The following MLLT6 variants were observed in gnomAD, a reference collection of about 807,000 sequenced individuals.
MLLT6 encodes the protein MLLT6, PHD finger containing, also known as protein AF-17.
A neutral mutation model predicts 103.0 loss-of-function variants in MLLT6; 22 were observed. The observed-to-expected ratio is 0.21, with a 90% CI of 0.15 to 0.31. MLLT6 has a LOEUF of 0.31. MLLT6 is among the 10% of genes least tolerant of loss of function. MLLT6 has a pLI of 1.00. For synonymous variants in MLLT6, 606 were observed against 623.5 expected (o/e 0.97, Z 0.42); for missense variants, 1,199 against 1,441.7 (o/e 0.83, Z 2.73).
rs1442496897 is a variant in MLLT6, at chr17:38,721,949, C to T, written c.2514C>T (p.Pro838=). Residue 838 remains proline, a synonymous_variant, in exon 17 of 20, where the codon CCC becomes CCT. Transcript: ENST00000621332. ...LSFHSTPPPL[P]LLQQSPATLP... ...TCCACAGCACGCCCCCACCGCTGCC[C>T]CTCCTCCAGCAGAGCCCTGCCACTC... is the stretch of plus-strand genomic sequence containing the variant. 2.0e-6 allele frequency: 3 copies of T among 1,528,106 alleles called. No individual in the cohort carries two copies. Among genetic ancestry groups the T allele is most frequent in the Non-Finnish European group, 2.6e-6 (3 of 1,143,498 alleles). The allele number at this position is 1,528,106 out of a possible 1,614,324, so 94.7% of individuals were successfully genotyped here.
At position 38,711,989 on chromosome 17, in the gene MLLT6, C is replaced by T. The variant is rs1905157732; in HGVS notation, c.695C>T (p.Thr232Ile). ...TCCACGCAGCAGGAGAAGCACCCCA[C>T]CCACCACGAGAGGGGCCAGAAGAAG... ...SPSTQQEKHPTHHERGQKKSR... is the reference protein window; with the variant it reads ...SPSTQQEKHPIHHERGQKKSR... The change falls in exon 7 of 20, where the codon ACC (threonine) becomes ATC (isoleucine). Residue 232 changes from threonine to isoleucine, a missense_variant. Physicochemically the swap from Thr to Ile is moderately conservative, Grantham distance 89. Transcript: ENST00000621332. The T allele has an allele frequency of 6.3e-7, 1 of 1,598,566 alleles. No homozygotes were observed. The highest frequency in any genetic ancestry group is 1.3e-5 in the African/African-American group (1 of 74,378).
chr17:38,716,957 C>A lies in MLLT6; in HGVS notation c.1627C>A (p.Leu543Met), dbSNP rs1455580691. ...TTCTGGGAGCTTGCCCAGCTTGAGC[C>A]TGGAGTCCCCCTTACTAGGGGCAGG... ...GPSGSLPSLS[L>M]ESPLLGAGIY... The change falls in exon 10 of 20, where the codon CTG becomes ATG. Residue 543 changes from leucine (L) to methionine (M), a missense_variant. Leu to Met is a conservative substitution (Grantham distance 15). Around this residue, in one of 7 missense-constraint regions of MLLT6, gnomAD observed 1,034 missense variants for 1,091.5 expected, o/e 0.95. Transcript: ENST00000621332. The surrounding 1 kb of genome is among the most constrained non-coding windows in gnomAD (Gnocchi z 5.6). The A allele has an allele frequency of 6.2e-7, 1 of 1,613,724 alleles. No homozygotes were observed. Among genetic ancestry groups the A allele is most frequent in the Admixed American group, 1.7e-5 (1 of 60,014 alleles).
rs201405110 is a variant in MLLT6 at position 38,707,446 on chromosome 17, C to T, written c.190-40C>T. ...GAACGTGTTCAGGGAGGGTCCAGCT[C>T]AGCAGATCCCCCAACCCCTGTGCAC... On this transcript the variant is annotated intron_variant, in intron 2 of 19. Transcript: ENST00000621332. The T allele has an allele frequency of 1.2e-5, 20 of 1,608,724 alleles. No individual in the cohort carries two copies. The East Asian group carries it at 4.2e-4, about 34-fold the overall frequency.
chr17:38,722,125 A>G lies in MLLT6; in HGVS notation c.2690A>G (p.Asn897Ser), dbSNP rs185161404. 1,024 of 1,376,582 alleles carry G rather than the reference A, an allele frequency of 7.4e-4. 16 individuals are homozygous for G. The African/African-American group carries it at 0.014, about 19-fold the overall frequency. The allele number at this position is 1,376,582 out of a possible 1,614,324, so 85.3% of individuals were successfully genotyped here. A position where few individuals can be genotyped will look rare whatever the true frequency, so the allele number is the denominator to read the frequency against. ...GCAGGCAGTGGGGGCCTGCCCCTCA[A>G]TGGGCTCCTTGGGGGGTTGAATGGG... ...GLAGSGGLPL[N>S]GLLGGLNGAA... The change falls in exon 17 of 20, where the codon AAT becomes AGT. Residue 897 changes from asparagine (N) to serine (S), a missense_variant. Asn to Ser is a conservative substitution (Grantham distance 46). Around this residue, in one of 7 missense-constraint regions of MLLT6, gnomAD observed 1,034 missense variants for 1,091.5 expected, o/e 0.95. Coordinates refer to ENST00000621332, the MANE Select transcript of MLLT6 (RefSeq NM_005937.4).
In MLLT6 at chr17:38,728,297, C is replaced by T. The variant is rs745688665; in HGVS notation, c.*2699C>T. 8.6e-6 allele frequency: 2 copies of T among 233,232 alleles called. No homozygotes were observed. The highest frequency in any genetic ancestry group is 2.2e-5 in the African/African-American group (1 of 45,336). 14.4% of individuals were successfully genotyped at this position (233,232 alleles called of 1,614,324 possible). A position where few individuals can be genotyped will look rare whatever the true frequency, so the allele number is the denominator to read the frequency against. ...TACCAACGCAGGGGGATGGCTGTAA[C>T]GATCTCACCGTCTCCTAACCTCAGT... is the stretch of plus-strand genomic sequence containing the variant. On this transcript the variant is annotated 3_prime_UTR_variant, in exon 20 of 20. Coordinates refer to ENST00000621332, the MANE Select transcript of MLLT6 (RefSeq NM_005937.4).
chr17:38,719,853 C>A lies in MLLT6; in HGVS notation c.2113C>A (p.Gln705Lys). 6.2e-7 allele frequency: 1 copy of A among 1,609,498 alleles called. No individual in the cohort carries two copies. The highest frequency in any genetic ancestry group is 8.5e-7 in the Non-Finnish European group (1 of 1,178,312). Residue 705 changes from glutamine to lysine, a missense_variant, in exon 14 of 20, where the codon CAG becomes AAG. Coordinates refer to ENST00000621332, the MANE Select transcript of MLLT6 (RefSeq NM_005937.4). Reference sequence around the variant, plus strand: ...GGCCCCAGGGACGACTAACATGGAGCAGCTTCTGGAGAAGCAGGGCGACGG... The same window carrying A: ...GGCCCCAGGGACGACTAACATGGAGAAGCTTCTGGAGAAGCAGGGCGACGG... ...PAAPGTTNME[Q>K]LLEKQGDGEA...
chr17:38,707,427 G>C, intron 2 of MLLT6, 59 bp from the exon 3 acceptor site: 1 of 1,562,230 alleles, frequency 6.4e-7, no homozygotes, highest in Non-Finnish European at 8.8e-7. Context: ...CCTTGAACGT[G>C]TTCAGGGAGG....
Position 38,720,359 on chromosome 17 carries a change from G to C in MLLT6, c.2156-13G>C, listed in dbSNP as rs751561696. On this transcript the variant is annotated splice_polypyrimidine_tract_variant and intron_variant, in intron 14 of 19. Transcript: ENST00000621332. ...CCCTCGCCCCTCCCTCAGGTTCCTCGCTCTCTCCGCAGTCGTGGAGATGCT... is the reference window on the plus strand; with the variant it reads ...CCCTCGCCCCTCCCTCAGGTTCCTCCCTCTCTCCGCAGTCGTGGAGATGCT... The C allele has an allele frequency of 2.5e-5, 32 of 1,276,514 alleles. 1 individual carries two copies. The South Asian group carries it at 3.7e-4, about 15-fold the overall frequency. 79.1% of individuals were successfully genotyped at this position (1,276,514 alleles called of 1,614,324 possible). A position where few individuals can be genotyped will look rare whatever the true frequency, so the allele number is the denominator to read the frequency against.
At position 38,729,778 on chromosome 17, in the gene MLLT6, C is replaced by CAAAAAAAAAAAA. The variant is rs879210230; in HGVS notation, c.*4186_*4197dup. The stretch of plus-strand genomic sequence containing the variant: ...GTTCTTTTAATAAAAGAATGTTTTG[C>CAAAAAAAAAAAA]AAAAAAAAAAAAAAAAATCCGAAGA... On this transcript the variant is annotated 3_prime_UTR_variant, in exon 20 of 20. Coordinates refer to ENST00000621332, the MANE Select transcript of MLLT6 (RefSeq NM_005937.4). 8.7e-6 allele frequency: 1 copy of CAAAAAAAAAAAA among 115,578 alleles called. No homozygotes were observed. The highest frequency in any genetic ancestry group is 3.7e-5 in the African/African-American group (1 of 27,054). 7.2% of individuals were successfully genotyped at this position (115,578 alleles called of 1,614,324 possible). A position where few individuals can be genotyped will look rare whatever the true frequency, so the allele number is the denominator to read the frequency against.
At chr17:38,720,000 C>T in intron 14 of MLLT6, 105 bp downstream of exon 14, 2 of 1,419,974 alleles carry the variant, frequency 1.4e-6, no homozygotes, top group Non-Finnish European at 1.9e-6. Flanking sequence ...TTAGGCCCCG[C>T]CCCAGCCTTG....
At chr17:38,717,238 G>A (rs1480763020) in intron 10 of MLLT6, among the ~76,000 whole-genome samples, 194 bp from the exon 11 acceptor site, 3 of 152,174 alleles carry the variant, frequency 2.0e-5, no homozygotes, top group African/African-American at 7.2e-5. Context: ...CGGCAGGGCA[G>A]TTTAACAAGC....
At position 38,716,887 on chromosome 17, in the gene MLLT6, G is replaced by T; in HGVS notation, c.1557G>T (p.Leu519=). 6.2e-7 allele frequency: 1 copy of T among 1,613,616 alleles called. No homozygotes were observed. The highest frequency in any genetic ancestry group is 1.7e-5 in the Admixed American group (1 of 59,982). The change falls in exon 10 of 20, where the codon CTG becomes CTT. Residue 519 remains leucine (L), a synonymous_variant. Coordinates refer to ENST00000621332, the MANE Select transcript of MLLT6 (RefSeq NM_005937.4). The surrounding 1 kb of genome is among the most constrained non-coding windows in gnomAD (Gnocchi z 5.6). ...CCTCACCCTTCTCTGGAGGTTCCCT[G>T]GTCAGCTCCGGCCTGGGAGGTCTGT... is the stretch of plus-strand genomic sequence containing the variant. ...TAASPFSGGS[L]VSSGLGGLSS...
chr17:38,715,368 AAGAC>A (rs1905288656), intron 8 of MLLT6: 2 of 506,598 alleles, frequency 3.9e-6, no homozygotes, highest in Non-Finnish European at 3.3e-6. Context: ...CCTAAGGTGA[AAGAC>A]AGACACCTTC....
intron 14 of MLLT6, 52 bp from the exon 15 acceptor site, chr17:38,720,320 G>GCCCCCCCCC: frequency 1.4e-6 from 1 of 735,422 alleles, no homozygotes; most frequent in Non-Finnish European, 2.2e-6. Context: ...CGGTCCCCTG[G>GCCCCCCCCC]CCCCGCCTCC....
At position 38,722,092 on chromosome 17, in the gene MLLT6, G is replaced by T. The variant is rs1443868954; in HGVS notation, c.2657G>T (p.Gly886Val). 2 of 1,373,960 alleles carry T rather than the reference G, an allele frequency of 1.5e-6. No homozygotes were observed. Among genetic ancestry groups the T allele is most frequent in the Non-Finnish European group, 1.9e-6 (2 of 1,068,388 alleles). 85.1% of individuals were successfully genotyped at this position (1,373,960 alleles called of 1,614,324 possible). The change falls in exon 17 of 20, where the codon GGG (glycine) becomes GTG (valine). Residue 886 changes from glycine to valine, a missense_variant. Gly to Val is a moderately radical substitution (Grantham distance 109). Transcript: ENST00000621332. The stretch of plus-strand genomic sequence containing the variant: ...ATGCCCATGGCTGAGGGGCTGTTGG[G>T]GGGGCTGGCAGGCAGTGGGGGCCTG... The part of the protein sequence containing the change: ...GAMPMAEGLL[G>V]GLAGSGGLPL...
chr17:38,720,294 C>T, intron 14 of MLLT6, 78 bp from the exon 15 acceptor site: 1 of 1,281,830 alleles, frequency 7.8e-7, no homozygotes, highest in South Asian at 1.4e-5. Context: ...ACTGGCTCCC[C>T]TCCAGGCCCC....
At position 38,706,976 on chromosome 17, in the gene MLLT6, A is replaced by T. The variant is rs374748141; in HGVS notation, c.136A>T (p.Thr46Ser). Residue 46 changes from threonine (T) to serine (S), a missense_variant, in exon 2 of 20, where the codon ACG becomes TCG. Thr to Ser is a moderately conservative substitution (Grantham distance 58). This residue lies in a region of MLLT6 where 26 missense variants were observed against 44.5 expected (regional missense o/e 0.58). Coordinates refer to ENST00000621332, the MANE Select transcript of MLLT6 (RefSeq NM_005937.4). The stretch of plus-strand genomic sequence containing the variant: ...TTGCTATGGCATCGTTCAGGTGCCA[A>T]CGGGACCCTGGTTCTGCCGGAAATG... ...QACYGIVQVPTGPWFCRKCES... is the reference protein window; with the variant it reads ...QACYGIVQVPSGPWFCRKCES... 6.2e-7 allele frequency: 1 copy of T among 1,612,274 alleles called. No homozygotes were observed. The highest frequency in any genetic ancestry group is 8.5e-7 in the Non-Finnish European group (1 of 1,178,546).
intron 6 of MLLT6, among the ~76,000 whole-genome samples, chr17:38,711,419 G>A (rs572162420): frequency 4.8e-4 from 73 of 152,238 alleles, no homozygotes; most frequent in African/African-American, 1.7e-3. Context: ...CTGGAGGGAG[G>A]ATTGGATATG....
At position 38,729,702 on chromosome 17, in the gene MLLT6, C is replaced by A; in HGVS notation, c.*4104C>A. 4.6e-6 allele frequency: 1 copy of A among 216,550 alleles called. No homozygotes were observed. The highest frequency in any genetic ancestry group is 9.2e-6 in the Non-Finnish European group (1 of 108,736). The allele number at this position is 216,550 out of a possible 1,614,324, so 13.4% of individuals were successfully genotyped here. A position where few individuals can be genotyped will look rare whatever the true frequency, so the allele number is the denominator to read the frequency against. On this transcript the variant is annotated 3_prime_UTR_variant, in exon 20 of 20. Coordinates refer to ENST00000621332, the MANE Select transcript of MLLT6 (RefSeq NM_005937.4). ...ATTGTGCATAACCCGGATCTTGTAT[C>A]TTTGTATAACGGATGTTATTTGTAC...
Sources: allele counts gnomAD v4.1 joint callset (sites outside exome capture counted in the v4.1 genomes callset), GRCh38; gene constraint gnomAD v4.1.1; regional missense constraint gnomAD v4.1.1; non-coding constraint Gnocchi (gnomAD v3.1); transcripts MANE v1.5; gene names NCBI Gene and HGNC (gene_info 2026-07-23, HGNC 2026-07-21).